The following ZNF385D variants were observed in gnomAD, a reference collection of about 807,000 sequenced individuals.
The protein encoded by ZNF385D is zinc finger protein 385D.
ZNF385D carries 15 observed loss-of-function variants against 35.8 expected under a neutral mutation model. That is an observed-to-expected ratio of 0.42 (90% CI 0.28 to 0.64). The LOEUF (loss-of-function observed/expected upper bound fraction) is 0.64. Ranked by LOEUF, ZNF385D falls within the 30% of genes least tolerant of loss-of-function variation. ZNF385D has a pLI of 0.23. For missense variants in ZNF385D, 474 were observed against 494.6 expected, an observed-to-expected ratio of 0.96 and a Z score of 0.39; for synonymous variants, 212 against 186.8, an observed-to-expected ratio of 1.13 and a Z score of -1.10.
At chr3:21,815,055 A>C (rs1329929588) in intron 3 of ZNF385D, among the ~76,000 whole-genome samples, 1 of 152,232 alleles carries the variant, frequency 6.6e-6, no homozygotes. Flanking sequence ...AACTACATGG[A>C]AACTGAACAA....
intron 2 of ZNF385D, among the ~76,000 whole-genome samples, chr3:22,307,494 T>C (rs1221117144): frequency 6.6e-6 from 1 of 152,106 alleles, no homozygotes; most frequent in East Asian, 1.9e-4. Context: ...AACATGGTTA[T>C]TTGGAGAATA....
rs3860589 is a variant in ZNF385D, at chr3:21,856,882, T to A, written c.326-191854A>T. On this transcript the variant is annotated intron_variant, in intron 3 of 5. Transcript: ENST00000494108. Reference sequence around the variant, plus strand: ...TTTAGAAGGTGATTCCAAATCACTGTCTTAGAAATCTTTTTAAAAACGTCC... The same window carrying A: ...TTTAGAAGGTGATTCCAAATCACTGACTTAGAAATCTTTTTAAAAACGTCC... Among the ~76,000 whole-genome samples, 3 of 152,182 alleles carry A rather than the reference T, an allele frequency of 2.0e-5. No individual in the cohort carries two copies. The South Asian group carries it at 6.2e-4, about 32-fold the overall frequency.
rs548874657 is a variant in ZNF385D, at chr3:21,490,138, C to T, written c.439+20723G>A. Among the ~76,000 whole-genome samples, 30 of 152,192 alleles carry T rather than the reference C, an allele frequency of 2.0e-4. No individual in the cohort carries two copies. The South Asian group carries it at 5.2e-3, about 26-fold the overall frequency. On this transcript the variant is annotated intron_variant, in intron 4 of 7. Transcript: ENST00000281523. ...CTCTCCAACTCTTGTTGTCCTGACT[C>T]ATCTCTTTTGTATTTTTTATATTTT...
At chr3:22,143,864 T>C (rs1704678544) in intron 3 of ZNF385D, among the ~76,000 whole-genome samples, 2 of 152,030 alleles carry the variant, frequency 1.3e-5, no homozygotes, top group African/African-American at 4.8e-5. Context: ...CAATGTATTA[T>C]TTCTTTGTCA....
chr3:22,026,557 A>C (rs922846542), intron 3 of ZNF385D, among the ~76,000 whole-genome samples: 1 of 152,166 alleles, frequency 6.6e-6, no homozygotes, highest in East Asian at 1.9e-4. Flanking sequence ...CTCAGGTCCT[A>C]CTTACAGCAG....
At chr3:22,010,280 G>A (rs923590229) in intron 3 of ZNF385D, among the ~76,000 whole-genome samples, 5 of 152,160 alleles carry the variant, frequency 3.3e-5, no homozygotes, top group Admixed American at 6.6e-5. Context: ...TATAAACACC[G>A]ATGTCACAAG....
At chr3:22,260,317 G>A (rs548532550) in intron 2 of ZNF385D, among the ~76,000 whole-genome samples, 1 of 152,014 alleles carries the variant, frequency 6.6e-6, no homozygotes, top group East Asian at 2.0e-4. Flanking sequence ...AGAACACAGG[G>A]AGGGAAACAT....
At chr3:22,352,363 ATCCATT>A (rs1432648707) in intron 2 of ZNF385D, among the ~76,000 whole-genome samples, 2 of 152,122 alleles carry the variant, frequency 1.3e-5, no homozygotes, top group African/African-American at 4.8e-5. Flanking sequence ...GGCAGTTTAG[ATCCATT>A]TAGGTTAGCA....
intron 3 of ZNF385D, among the ~76,000 whole-genome samples, chr3:21,799,043 G>A (rs903426124): frequency 4.6e-5 from 7 of 151,960 alleles, no homozygotes; most frequent in Admixed American, 1.3e-4. Flanking sequence ...CCATATAAGC[G>A]GAACTATACA....
chr3:22,362,998 C>T (rs867762844), intron 2 of ZNF385D, among the ~76,000 whole-genome samples: 7 of 152,110 alleles, frequency 4.6e-5, no homozygotes, highest in Admixed American at 6.6e-5. Context: ...TGATGTTCTA[C>T]GAGATCAGCA....
intron 3 of ZNF385D, among the ~76,000 whole-genome samples, chr3:21,900,552 TTTAGGTTC>T: frequency 6.6e-6 from 1 of 152,152 alleles, no homozygotes; most frequent in Non-Finnish European, 1.5e-5. Flanking sequence ...TTAGTGTTCA[TTTAGGTTC>T]TTAGAAAAAT....
intron 3 of ZNF385D, among the ~76,000 whole-genome samples, chr3:21,802,051 C>T (rs574727396): frequency 6.6e-6 from 1 of 152,122 alleles, no homozygotes. Flanking sequence ...GGGCAGATTT[C>T]TTAAACTACA....
chr3:21,914,799 A>G (rs1182741503), intron 3 of ZNF385D, among the ~76,000 whole-genome samples: 1 of 152,056 alleles, frequency 6.6e-6, no homozygotes, highest in Non-Finnish European at 1.5e-5. Context: ...AAGCCACTTC[A>G]TTATCTGAAA....
At chr3:22,158,235 C>T (rs890796981) in intron 3 of ZNF385D, among the ~76,000 whole-genome samples, 1 of 152,060 alleles carries the variant, frequency 6.6e-6, no homozygotes, top group African/African-American at 2.4e-5. Flanking sequence ...TAACTGCACA[C>T]TAGCATAAGT....
At chr3:21,672,718 G>A (rs1326602203) in intron 1 of ZNF385D, among the ~76,000 whole-genome samples, 2 of 152,096 alleles carry the variant, frequency 1.3e-5, no homozygotes. Context: ...AACACACTTG[G>A]AAGGAAGCTA....
chr3:22,180,552 C>T (rs1695170567), intron 2 of ZNF385D, among the ~76,000 whole-genome samples: 1 of 152,132 alleles, frequency 6.6e-6, no homozygotes, highest in African/African-American at 2.4e-5. Flanking sequence ...TACTGTCAAA[C>T]CAAATCCAGC....
chr3:21,666,714 G>A (rs1330567378), intron 1 of ZNF385D, among the ~76,000 whole-genome samples: 1 of 152,144 alleles, frequency 6.6e-6, no homozygotes, highest in African/African-American at 2.4e-5. Flanking sequence ...GTTTAGTGTT[G>A]TTAAAAGTTT....
chr3:22,090,220 G>C lies in ZNF385D; in HGVS notation c.325+78597C>G, dbSNP rs181509198. On this transcript the variant is annotated intron_variant, in intron 3 of 5. Coordinates refer to the ZNF385D transcript ENST00000494108. ...GCTCTGGGAATGGTCCCAGGAGATA[G>C]ACCTCCAATGATGACATTTGGGGAA... is the stretch of plus-strand genomic sequence containing the variant. Among the ~76,000 whole-genome samples the C allele has an allele frequency of 5.9e-5, 9 of 152,274 alleles. No individual in the cohort carries two copies. In the East Asian group the frequency reaches 1.5e-3, roughly 26 times the overall value.
At chr3:22,102,923 G>A (rs569148492) in intron 3 of ZNF385D, among the ~76,000 whole-genome samples, 2 of 147,246 alleles carry the variant, frequency 1.4e-5, no homozygotes, top group African/African-American at 2.5e-5. Flanking sequence ...AAGTTCTCAC[G>A]TATGTCCCTC....
Sources: allele counts gnomAD v4.1 joint callset (sites outside exome capture counted in the v4.1 genomes callset), GRCh38; gene constraint gnomAD v4.1.1; transcripts MANE v1.5; gene names NCBI Gene and HGNC (gene_info 2026-07-23, HGNC 2026-07-21).